SREBF2: variants seen among roughly 807,000 people sequenced by gnomAD.
SREBF2 encodes the protein sterol regulatory element-binding protein 2.
SREBF2 carries 55 observed loss-of-function variants against 113.1 expected under a neutral mutation model. That is an observed-to-expected ratio of 0.49 (90% CI 0.39 to 0.61). SREBF2 has a LOEUF of 0.61. Among genes scored for constraint, SREBF2 ranks in the 20% least tolerant of loss-of-function variants. SREBF2 has a pLI of 0.00. For missense variants in SREBF2, 1,349 were observed against 1,487.4 expected (o/e 0.91, Z 1.53); for synonymous variants, 593 against 605.7 (o/e 0.98, Z 0.31).
chr22:41,880,640 G>T lies in SREBF2; in HGVS notation c.1762-76G>T, dbSNP rs181922800. The T allele has an allele frequency of 2.4e-5, 38 of 1,574,018 alleles. No homozygotes were observed. The East Asian group carries it at 8.5e-4, about 35-fold the overall frequency. The stretch of plus-strand genomic sequence containing the variant: ...TAATTCCTCTGATAATTGGGGGCAG[G>T]GGGAGTAGAAGTCTATATCAAAACA... On this transcript the variant is annotated intron_variant, in intron 9 of 18. Coordinates refer to ENST00000361204, the MANE Select transcript of SREBF2 (RefSeq NM_004599.4).
intron 7 of SREBF2, 83 bp from the exon 8 acceptor site, chr22:41,877,146 T>G: frequency 6.6e-6 from 9 of 1,355,150 alleles, no homozygotes; most frequent in African/African-American, 1.5e-5. Context: ...TCATAACCAT[T>G]TCTCAATATA....
At position 41,833,246 on chromosome 22, in the gene SREBF2, G is replaced by C. The variant is rs1238502937; in HGVS notation, c.-25G>C. The C allele has an allele frequency of 5.9e-6, 9 of 1,513,696 alleles. No homozygotes were observed. In the South Asian group the frequency reaches 1.1e-4, roughly 19 times the overall value. The allele number at this position is 1,513,696 out of a possible 1,614,324, so 93.8% of individuals were successfully genotyped here. On this transcript the variant is annotated 5_prime_UTR_variant, in exon 1 of 19. Coordinates refer to ENST00000361204, the MANE Select transcript of SREBF2 (RefSeq NM_004599.4). This position sits in a 1 kb window ranked among gnomAD's most constrained non-coding sequence, Gnocchi z 4.1. ...GCGTCTCCCTGAGCGGGACGGCAGG[G>C]GGGGCTTCTGCGCTGAGCCGGGCGA... is the stretch of plus-strand genomic sequence containing the variant.
At chr22:41,866,717 T>C in intron 1 of SREBF2, 114 bp from the exon 2 acceptor site, 1 of 1,279,086 alleles carries the variant, frequency 7.8e-7, no homozygotes, top group Non-Finnish European at 1.1e-6. Context: ...TCCTGACCCA[T>C]TTCTGCCATG....
chr22:41,877,538 C>A, intron 8 of SREBF2, 117 bp downstream of exon 8: 1 of 1,198,322 alleles, frequency 8.3e-7, no homozygotes, highest in Non-Finnish European at 1.2e-6. Context: ...TTATAGTGGG[C>A]CCCCACCTGC....
At chr22:41,899,413 A>T (rs1472209343) in intron 15 of SREBF2, 1 of 1,002,850 alleles carries the variant, frequency 1.0e-6, no homozygotes, top group Non-Finnish European at 1.2e-6. Flanking sequence ...GGCTGTTTCT[A>T]ATTGGATCTG....
intron 1 of SREBF2, among the ~76,000 whole-genome samples, chr22:41,862,626 G>C (rs1196247069): frequency 6.6e-6 from 1 of 152,204 alleles, no homozygotes; most frequent in Non-Finnish European, 1.5e-5. Flanking sequence ...TCAGAGCAGG[G>C]AACAGTGAGG....
rs747110517 is a variant in SREBF2, at chr22:41,866,925, TAGCAGCAGCGGCAGCAGTGGCAGC to T, written c.193_216del (p.Gly65_Ser72del). Reference sequence around the variant, plus strand: ...CCTTTCCTGGCAGTGGTGGTAGTGGTAGCAGCAGCGGCAGCAGTGGCAGCAGCAGCAGCAGCAGCAATGGCAGGG... The same window carrying T: ...CCTTTCCTGGCAGTGGTGGTAGTGGTAGCAGCAGCAGCAGCAATGGCAGGG... On this transcript the variant is annotated inframe_deletion, in exon 2 of 19. Coordinates refer to ENST00000361204, the MANE Select transcript of SREBF2 (RefSeq NM_004599.4). The T allele has an allele frequency of 9.9e-6, 16 of 1,613,942 alleles. No individual in the cohort carries two copies. Among genetic ancestry groups the T allele is most frequent in the Admixed American group, 3.3e-5 (2 of 60,014 alleles).
intron 2 of SREBF2, among the ~76,000 whole-genome samples, chr22:41,868,153 G>A (rs1237894600): frequency 1.3e-5 from 2 of 152,148 alleles, no homozygotes; most frequent in Non-Finnish European, 1.5e-5. Context: ...GGTAAGATTA[G>A]TATTGCTTTG....
intron 1 of SREBF2, among the ~76,000 whole-genome samples, chr22:41,860,241 GAA>G (rs11343843): frequency 1.2e-4 from 15 of 130,110 alleles, no homozygotes; most frequent in African/African-American, 2.4e-4. Context: ...TTAAATCAGT[GAA>G]AAAAAAAAAA....
chr22:41,881,073 T>C, intron 10 of SREBF2, 81 bp downstream of exon 10: 1 of 1,545,510 alleles, frequency 6.5e-7, no homozygotes, highest in Non-Finnish European at 8.7e-7. Context: ...TTGCCAGTTC[T>C]GCACCCTAGC....
At chr22:41,881,101 T>A in intron 10 of SREBF2, 109 bp downstream of exon 10, 1 of 1,414,198 alleles carries the variant, frequency 7.1e-7, no homozygotes, top group Non-Finnish European at 9.6e-7. Context: ...CCTTTAACGC[T>A]ACTCTTTTAG....
chr22:41,855,356 C>A (rs1195119655), intron 1 of SREBF2, among the ~76,000 whole-genome samples: 1 of 151,972 alleles, frequency 6.6e-6, no homozygotes, highest in Admixed American at 6.6e-5. Context: ...AATTAAACTT[C>A]GTCTACTAAA....
Position 41,884,877 on chromosome 22 carries a change from C to T in SREBF2, c.2074C>T (p.His692Tyr), listed in dbSNP as rs1204929116. ...TGCAGGATCCGCCTGTTCCGATGTA[C>T]ACATGGCGTTGTGTGCCGTGAACCT... Reference protein sequence around the residue: ...LPAGSACSDVHMALCAVNLAE... With the variant: ...LPAGSACSDVYMALCAVNLAE... The change falls in exon 11 of 19, where the codon CAC becomes TAC. Residue 692 changes from histidine (H) to tyrosine (Y), a missense_variant. Coordinates refer to ENST00000361204, the MANE Select transcript of SREBF2 (RefSeq NM_004599.4). 1 of 1,614,220 alleles carries T rather than the reference C, an allele frequency of 6.2e-7. No homozygotes were observed. The highest frequency in any genetic ancestry group is 8.5e-7 in the Non-Finnish European group (1 of 1,180,040).
At chr22:41,861,986 T>C (rs1420023070) in intron 1 of SREBF2, among the ~76,000 whole-genome samples, 2 of 152,088 alleles carry the variant, frequency 1.3e-5, no homozygotes, top group Non-Finnish European at 2.9e-5. Context: ...AATATAAGAA[T>C]AAATGACCTT....
chr22:41,902,986 C>G lies in SREBF2; in HGVS notation c.2924C>G (p.Thr975Ser). 1 of 1,611,164 alleles carries G rather than the reference C, an allele frequency of 6.2e-7. No individual in the cohort carries two copies. The change falls in exon 17 of 19, where the codon ACC becomes AGC. Residue 975 changes from threonine (T) to serine (S), a missense_variant. Transcript: ENST00000361204. ...PALNHVVQLLTCDLLLSLRTA... is the reference protein window; with the variant it reads ...PALNHVVQLLSCDLLLSLRTA... ...ACCCCACAGGTGGTCCAGCTGCTCA[C>G]CTGTGACCTGCTACTGTCGCTACGG...
chr22:41,865,357 G>A (rs992339749), intron 1 of SREBF2, among the ~76,000 whole-genome samples: 2 of 152,268 alleles, frequency 1.3e-5, no homozygotes, highest in East Asian at 1.9e-4. Flanking sequence ...TCTTGGGAAC[G>A]TATTGGAGAG....
chr22:41,887,689 A>G (rs1456592359), intron 11 of SREBF2, among the ~76,000 whole-genome samples: 1 of 152,192 alleles, frequency 6.6e-6, no homozygotes, highest in Non-Finnish European at 1.5e-5. Flanking sequence ...CCTTGTACAC[A>G]CATCTTTCAG....
chr22:41,877,038 A>T (rs967229404), intron 7 of SREBF2, among the ~76,000 whole-genome samples, 191 bp from the exon 8 acceptor site: 1 of 152,320 alleles, frequency 6.6e-6, no homozygotes, highest in South Asian at 2.1e-4. Context: ...GTTAGCAAGC[A>T]GGTGAATGTG....
intron 11 of SREBF2, among the ~76,000 whole-genome samples, chr22:41,886,975 A>AT (rs1229564760): frequency 3.9e-5 from 6 of 152,222 alleles, no homozygotes; most frequent in African/African-American, 1.2e-4. Context: ...TGGAGGGTGC[A>AT]TTGAGCGGAG....
Sources: allele counts gnomAD v4.1 joint callset (sites outside exome capture counted in the v4.1 genomes callset), GRCh38; gene constraint gnomAD v4.1.1; non-coding constraint Gnocchi (gnomAD v3.1); transcripts MANE v1.5; gene names NCBI Gene and HGNC (gene_info 2026-07-23, HGNC 2026-07-21).